The following EPB41L1 variants were observed in gnomAD, a reference collection of about 807,000 sequenced individuals.
EPB41L1 encodes the protein erythrocyte membrane protein band 4.1 like 1, also known as band 4.1-like protein 1.
Under a neutral mutation model 97.8 loss-of-function variants are expected in EPB41L1, and 29 were observed. The ratio of observed to expected loss-of-function variants is 0.30; its 90% confidence interval spans 0.22 to 0.40. The LOEUF (loss-of-function observed/expected upper bound fraction) is 0.40, where lower values mean the gene tolerates loss of function less well. Ranked by LOEUF, EPB41L1 falls within the 10% of genes least tolerant of loss-of-function variation. EPB41L1 has a pLI of 1.00. For synonymous variants in EPB41L1, 383 were observed against 459.2 expected (o/e 0.83, Z 2.12); for missense variants, 812 against 1,162.3 (o/e 0.70, Z 4.38).
At chr20:36,138,418 C>T (rs149488803) in intron 2 of EPB41L1, among the ~76,000 whole-genome samples, 164 of 151,998 alleles carry the variant, frequency 1.1e-3, no homozygotes, top group African/African-American at 3.8e-3. Context: ...GCTTCTCCAC[C>T]CCGCCCGCTA....
chr20:36,104,726 A>C (rs1478604478), intron 1 of EPB41L1, among the ~76,000 whole-genome samples: 1 of 152,176 alleles, frequency 6.6e-6, no homozygotes, highest in Non-Finnish European at 1.5e-5. Flanking sequence ...AAATGTCAGA[A>C]TCTCTATATG....
Position 36,093,347 on chromosome 20 carries a change from G to A in EPB41L1, c.-65+1735G>A, listed in dbSNP as rs1192902025. Among the ~76,000 whole-genome samples the A allele has an allele frequency of 1.3e-5, 2 of 151,878 alleles. No individual in the cohort carries two copies. Among genetic ancestry groups the A allele is most frequent in the Non-Finnish European group, 2.9e-5 (2 of 67,910 alleles). The stretch of plus-strand genomic sequence containing the variant: ...GGTGTGTGTGTGCGCGCGCGTCGCT[G>A]TGTGCGCGCCAGTGTAACTCCCGTG... On this transcript the variant is annotated intron_variant, in intron 1 of 19. Coordinates refer to the EPB41L1 transcript ENST00000202028. The surrounding 1 kb of genome is among the most constrained non-coding windows in gnomAD (Gnocchi z 5.4).
At chr20:36,132,581 G>A (rs911267280) in intron 2 of EPB41L1, among the ~76,000 whole-genome samples, 6 of 139,202 alleles carry the variant, frequency 4.3e-5, no homozygotes, top group African/African-American at 1.3e-4. Flanking sequence ...GGGGGGGGGC[G>A]CATTATTATG....
At chr20:36,110,184 G>A (rs536182948) in intron 1 of EPB41L1, among the ~76,000 whole-genome samples, 3 of 152,100 alleles carry the variant, frequency 2.0e-5, no homozygotes, top group East Asian at 1.9e-4. Context: ...CAGGTGATCC[G>A]CCCGCCTCGG....
At chr20:36,124,775 A>G (rs1305938329) in intron 2 of EPB41L1, among the ~76,000 whole-genome samples, 1 of 152,198 alleles carries the variant, frequency 6.6e-6, no homozygotes, top group Non-Finnish European at 1.5e-5. Flanking sequence ...TATTGGATGA[A>G]TGAATGAATG....
chr20:36,160,395 C>A (rs2060480192), intron 1 of EPB41L1, among the ~76,000 whole-genome samples: 1 of 152,064 alleles, frequency 6.6e-6, no homozygotes, highest in African/African-American at 2.4e-5. Context: ...ACCAGCCTGG[C>A]CAACATGGTG....
intron 2 of EPB41L1, among the ~76,000 whole-genome samples, chr20:36,149,483 T>TA (rs1248534599): frequency 2.0e-5 from 3 of 151,860 alleles, no homozygotes; most frequent in Non-Finnish European, 4.4e-5. Context: ...AGAGGCTTCT[T>TA]AGAGAAGATG....
intron 14 of EPB41L1, chr20:36,205,724 A>T: frequency 1.0e-6 from 1 of 959,050 alleles, no homozygotes; most frequent in Non-Finnish European, 1.4e-6. Context: ...AGTTCTGGGG[A>T]TGTGCTGTCC....
chr20:36,212,398 AC>A lies in EPB41L1; in HGVS notation c.2184+25del. On this transcript the variant is annotated intron_variant, in intron 16 of 21. Transcript: ENST00000338074. The surrounding 1 kb of genome is among the most constrained non-coding windows in gnomAD (Gnocchi z 4.8). The stretch of plus-strand genomic sequence containing the variant: ...CCAGGTAACTTGTGCCTTCCAATGT[AC>A]CCTAAGCATGGGTATTGGGCATTTG... The A allele has an allele frequency of 6.2e-7, 1 of 1,603,920 alleles. No individual in the cohort carries two copies. Among genetic ancestry groups the A allele is most frequent in the Non-Finnish European group, 8.5e-7 (1 of 1,170,966 alleles).
chr20:36,175,823 C>G, intron 3 of EPB41L1, 108 bp downstream of exon 3: 2 of 1,176,564 alleles, frequency 1.7e-6, no homozygotes, highest in Non-Finnish European at 2.5e-6. Context: ...GAGTCCTGGA[C>G]CAGTCACAGT....
intron 2 of EPB41L1, among the ~76,000 whole-genome samples, chr20:36,130,068 A>G (rs1352966064): frequency 6.6e-6 from 1 of 151,850 alleles, no homozygotes; most frequent in African/African-American, 2.4e-5. Context: ...CAGCCTCCCA[A>G]GTAGCTGGGA....
rs1601091114 is a variant in EPB41L1, at chr20:36,222,175, G to C, written c.2521-103G>C. On this transcript the variant is annotated intron_variant, in intron 20 of 21. Coordinates refer to ENST00000338074, the MANE Select transcript of EPB41L1 (RefSeq NM_012156.2). ...GTTGTTTGACTTTGCCCCTCTCTGG[G>C]CCTCAGTTTTTCCAGCTGTGCACTA... 8 of 1,145,848 alleles carry C rather than the reference G, an allele frequency of 7.0e-6. No homozygotes were observed. In the East Asian group the frequency reaches 7.0e-5, roughly 10 times the overall value. The allele number at this position is 1,145,848 out of a possible 1,614,324, so 71.0% of individuals were successfully genotyped here.
At chr20:36,138,032 A>G (rs866763333) in intron 2 of EPB41L1, among the ~76,000 whole-genome samples, 5 of 152,186 alleles carry the variant, frequency 3.3e-5, no homozygotes, top group African/African-American at 1.2e-4. Context: ...CCATGTTGTC[A>G]TATGTATCAG....
intron 1 of EPB41L1, among the ~76,000 whole-genome samples, chr20:36,098,216 T>G (rs1006996845): frequency 1.3e-5 from 2 of 152,128 alleles, no homozygotes; most frequent in African/African-American, 4.8e-5. Flanking sequence ...ATGAGGAGCC[T>G]CTGGGTCCTC....
chr20:36,209,155 A>G lies in EPB41L1; in HGVS notation c.1669-333A>G, dbSNP rs544211956. On this transcript the variant is annotated intron_variant, in intron 14 of 21. Coordinates refer to ENST00000338074, the MANE Select transcript of EPB41L1 (RefSeq NM_012156.2). The surrounding 1 kb of genome is among the most constrained non-coding windows in gnomAD (Gnocchi z 4.2). ...GGCTTCCATCCCTGCCTTTCGTGCA[A>G]TGCTGCTTCCAATAAGCTCCCAGAT... Among the ~76,000 whole-genome samples, 2 of 152,134 alleles carry G rather than the reference A, an allele frequency of 1.3e-5. No homozygotes were observed. Among genetic ancestry groups the G allele is most frequent in the South Asian group, 2.1e-4 (1 of 4,806 alleles).
intron 2 of EPB41L1, among the ~76,000 whole-genome samples, chr20:36,175,147 A>G (rs2061172677): frequency 6.6e-6 from 1 of 152,150 alleles, no homozygotes; most frequent in Non-Finnish European, 1.5e-5. Flanking sequence ...CCTTTAACTC[A>G]GTCCACAGCT....
chr20:36,192,183 T>C (rs1439858503), intron 11 of EPB41L1, among the ~76,000 whole-genome samples: 2 of 150,866 alleles, frequency 1.3e-5, no homozygotes, highest in Non-Finnish European at 2.9e-5. Context: ...CTCACACCAT[T>C]GCATTCCAGC....
chr20:36,169,501 A>ATT (rs879902038), intron 1 of EPB41L1, among the ~76,000 whole-genome samples: 57,242 of 151,682 alleles, frequency 0.38, 14,250 homozygotes, highest in African/African-American at 0.72. Context: ...TCTGACTCCC[A>ATT]GCAAGGCTCC....
At position 36,209,628 on chromosome 20, in the gene EPB41L1, C is replaced by T; in HGVS notation, c.1809C>T (p.Arg603=). The T allele has an allele frequency of 6.2e-7, 1 of 1,614,156 alleles. No individual in the cohort carries two copies. Among genetic ancestry groups the T allele is most frequent in the South Asian group, 1.1e-5 (1 of 91,078 alleles). Residue 603 remains arginine (R), a synonymous_variant, in exon 15 of 22, where the codon CGC becomes CGT. Coordinates refer to ENST00000338074, the MANE Select transcript of EPB41L1 (RefSeq NM_012156.2). The surrounding 1 kb of genome is among the most constrained non-coding windows in gnomAD (Gnocchi z 4.2). ...FLKDNHLAIE[R]KCSSITVSST... is the part of the protein sequence containing the mutation. The stretch of plus-strand genomic sequence containing the variant: ...AGGACAACCACCTGGCCATTGAGCG[C>T]AAGTGCTCCAGCATCACGGTCAGCT...
Sources: allele counts gnomAD v4.1 joint callset (sites outside exome capture counted in the v4.1 genomes callset), GRCh38; gene constraint gnomAD v4.1.1; non-coding constraint Gnocchi (gnomAD v3.1); transcripts MANE v1.5; gene names NCBI Gene and HGNC (gene_info 2026-07-23, HGNC 2026-07-21).